The following COL25A1 variants were observed in gnomAD, a reference collection of about 807,000 sequenced individuals.
COL25A1 encodes the protein collagen alpha-1(XXV) chain.
A neutral mutation model predicts 128.4 loss-of-function variants in COL25A1; 103 were observed. The ratio of observed to expected loss-of-function variants is 0.80; its 90% CI spans 0.68 to 0.94. The LOEUF is 0.94. Among genes scored for constraint, COL25A1 ranks in the 40% least tolerant of loss-of-function variants. The pLI is 0.00. For missense variants in COL25A1, 745 were observed against 840.0 expected (o/e 0.89, Z 1.40); for synonymous variants, 279 against 277.2 (o/e 1.01, Z -0.06).
At chr4:108,896,038 C>T (rs1044378701) in intron 16 of COL25A1, among the ~76,000 whole-genome samples, 1 of 150,586 alleles carries the variant, frequency 6.6e-6, no homozygotes, top group Non-Finnish European at 1.5e-5. Flanking sequence ...CTCCACCTCC[C>T]AGGTTCACGC....
chr4:108,848,919 T>A (rs1315773146), intron 26 of COL25A1, 116 bp from the exon 27 acceptor site: 6 of 733,526 alleles, frequency 8.2e-6, no homozygotes, highest in Non-Finnish European at 1.4e-5. Flanking sequence ...AAATGCATCA[T>A]AACCCGAGAA....
chr4:108,952,831 CTTT>C (rs59761040), intron 8 of COL25A1, among the ~76,000 whole-genome samples: 98 of 66,984 alleles, frequency 1.5e-3, no homozygotes, highest in African/African-American at 5.0e-3. Flanking sequence ...AAAAACTCAA[CTTT>C]TTTTTTTTTT....
chr4:109,015,724 T>A (rs1485277140), intron 5 of COL25A1, among the ~76,000 whole-genome samples: 1 of 152,156 alleles, frequency 6.6e-6, no homozygotes. Context: ...AATCAGCCAG[T>A]AGCTGATGTT....
intron 3 of COL25A1, among the ~76,000 whole-genome samples, chr4:109,249,464 C>G (rs974965216): frequency 2.0e-5 from 3 of 152,152 alleles, no homozygotes; most frequent in Non-Finnish European, 4.4e-5. Flanking sequence ...TCGTCTTATT[C>G]ACTACAGCCA....
intron 3 of COL25A1, among the ~76,000 whole-genome samples, chr4:109,090,024 A>T (rs1045083038): frequency 6.6e-6 from 1 of 152,178 alleles, no homozygotes; most frequent in Non-Finnish European, 1.5e-5. Flanking sequence ...AATTCAGTAT[A>T]TATAAATGTA....
At chr4:108,978,961 TTGTA>T (rs1477726257) in intron 6 of COL25A1, among the ~76,000 whole-genome samples, 1 of 152,210 alleles carries the variant, frequency 6.6e-6, no homozygotes. Flanking sequence ...TTTGAATTAG[TTGTA>T]TGTAATTAAT....
chr4:108,825,180 T>C lies in COL25A1; in HGVS notation c.1791+16A>G. 2 of 1,595,372 alleles carry C rather than the reference T, an allele frequency of 1.3e-6. No individual in the cohort carries two copies. The highest frequency in any genetic ancestry group is 1.3e-5 in the African/African-American group (1 of 74,704). On this transcript the variant is annotated intron_variant, in intron 34 of 37. Coordinates refer to ENST00000399132, the MANE Select transcript of COL25A1 (RefSeq NM_198721.4). ...TCTATTATAATAGGATGATGTTTAT[T>C]GTACTTATTACTTACATCAAGACCA...
chr4:109,065,545 C>CGCGT (rs771855567), intron 3 of COL25A1, among the ~76,000 whole-genome samples: 1,875 of 141,136 alleles, frequency 0.013, 45 homozygotes, highest in African/African-American at 0.046. Context: ...CGCGCGCGCG[C>CGCGT]GTGTGTGTGT....
chr4:109,061,821 G>A (rs952225116), intron 3 of COL25A1, among the ~76,000 whole-genome samples: 11 of 152,120 alleles, frequency 7.2e-5, no homozygotes, highest in Admixed American at 6.6e-5. Context: ...ATCATGAGTA[G>A]ATTTCTATGA....
In COL25A1 at chr4:108,937,803, C is replaced by T. The variant is rs1270244735; in HGVS notation, c.708+5G>A. 5.0e-6 allele frequency: 8 copies of T among 1,603,064 alleles called. No homozygotes were observed. The highest frequency in any genetic ancestry group is 6.8e-6 in the Non-Finnish European group (8 of 1,175,212). On this transcript the variant is annotated splice_donor_5th_base_variant and intron_variant, in intron 11 of 37. Transcript: ENST00000399132. ...GTATAGAAAAAGATAAACTGAGATACTTGCCATCAAGCCTTGTTCTCCTGG... is the reference window on the plus strand; with the variant it reads ...GTATAGAAAAAGATAAACTGAGATATTTGCCATCAAGCCTTGTTCTCCTGG...
At chr4:108,858,597 G>A (rs945458977) in intron 24 of COL25A1, among the ~76,000 whole-genome samples, 1 of 152,146 alleles carries the variant, frequency 6.6e-6, no homozygotes, top group Non-Finnish European at 1.5e-5. Context: ...ATTGGTGGAA[G>A]CTGATAAGGC....
At chr4:108,871,179 CTTTTT>C (rs1240518292) in intron 19 of COL25A1, among the ~76,000 whole-genome samples, 2 of 151,744 alleles carry the variant, frequency 1.3e-5, no homozygotes, top group African/African-American at 4.8e-5. Flanking sequence ...ATGGAAAGTT[CTTTTT>C]TTTATGTGCT....
chr4:109,243,026 C>G (rs1354473955), intron 3 of COL25A1, among the ~76,000 whole-genome samples: 1 of 152,074 alleles, frequency 6.6e-6, no homozygotes, highest in Non-Finnish European at 1.5e-5. Flanking sequence ...TACATATCTG[C>G]AACTTTATAC....
At chr4:109,128,431 A>T (rs1768843960) in intron 3 of COL25A1, among the ~76,000 whole-genome samples, 1 of 151,982 alleles carries the variant, frequency 6.6e-6, no homozygotes, top group Non-Finnish European at 1.5e-5. Flanking sequence ...CTTTCAATCC[A>T]CCTATGACCT....
intron 24 of COL25A1, among the ~76,000 whole-genome samples, chr4:108,855,191 G>GTTTTTTTTTTTTTTTTTTTTT (rs35873529): frequency 1.5e-5 from 2 of 131,950 alleles, no homozygotes; most frequent in Non-Finnish European, 3.2e-5. Context: ...TGTTGTTACT[G>GTTTTTTTTTTTTTTTTTTTTT]TTTTTTTTTT....
intron 5 of COL25A1, among the ~76,000 whole-genome samples, chr4:109,021,114 T>G (rs1260252515): frequency 6.6e-6 from 1 of 152,200 alleles, no homozygotes; most frequent in Non-Finnish European, 1.5e-5. Context: ...CTGTGTACTG[T>G]GTTGTTGGCA....
At chr4:108,922,383 T>G (rs1280440702) in intron 11 of COL25A1, among the ~76,000 whole-genome samples, 1 of 152,154 alleles carries the variant, frequency 6.6e-6, no homozygotes, top group East Asian at 1.9e-4. Flanking sequence ...AAGGGGTACA[T>G]TGATTCAGTA....
chr4:108,912,159 C>G (rs1405152), intron 13 of COL25A1, among the ~76,000 whole-genome samples: 105,568 of 151,894 alleles, frequency 0.7, 37,953 homozygotes, highest in East Asian at 0.93. Flanking sequence ...AGTAGAGTAG[C>G]CTTGTGTATA....
At chr4:109,253,662 T>C (rs1560934686) in intron 3 of COL25A1, among the ~76,000 whole-genome samples, 1 of 152,200 alleles carries the variant, frequency 6.6e-6, no homozygotes, top group Non-Finnish European at 1.5e-5. Context: ...TTCATAAACA[T>C]TTACTTTAAT....
Sources: gnomAD v4.1 joint callset for allele counts (sites outside exome capture counted in the v4.1 genomes callset) on GRCh38, gnomAD v4.1.1 for gene constraint, MANE v1.5 for transcripts, NCBI Gene and HGNC (gene_info 2026-07-23, HGNC 2026-07-21) for gene names.